PAPSS2: variants seen among roughly 807,000 people sequenced by gnomAD.
The protein encoded by PAPSS2 is bifunctional 3'-phosphoadenosine 5'-phosphosulfate synthase 2.
A neutral mutation model predicts 66.5 loss-of-function variants in PAPSS2; 61 were observed. The observed-to-expected ratio is 0.92, with a 90% CI of 0.75 to 1.14. The LOEUF is 1.14. Among genes scored for constraint, PAPSS2 ranks in the 50% most tolerant of loss-of-function variants. The pLI is 0.00. For synonymous variants in PAPSS2, 289 were observed against 287.5 expected (o/e 1.01, Z -0.05); for missense variants, 708 against 789.6 (o/e 0.90, Z 1.24).
At chr10:87,710,422 GT>G (rs1853449338) in intron 2 of PAPSS2, among the ~76,000 whole-genome samples, 1 of 152,128 alleles carries the variant, frequency 6.6e-6, no homozygotes, top group Admixed American at 6.5e-5. Flanking sequence ...CTCCTGAAAT[GT>G]TTACCTCAAC....
chr10:87,671,262 A>G lies in PAPSS2; in HGVS notation c.27+11254A>G, dbSNP rs188346829. On this transcript the variant is annotated intron_variant, in intron 1 of 12. Coordinates refer to ENST00000456849, the MANE Select transcript of PAPSS2 (RefSeq NM_001015880.2). The stretch of plus-strand genomic sequence containing the variant: ...GGATCTTTTGATTATTTAAACATGC[A>G]TTTTAATTTTGTCTTTGCAGACTAA... Among the ~76,000 whole-genome samples the G allele has an allele frequency of 1.7e-3, 266 of 152,332 alleles. 2 individuals carry two copies. The highest frequency in any genetic ancestry group is 2.5e-3 in the Non-Finnish European group (167 of 68,030).
Position 87,745,889 on chromosome 10 carries a change from A to G in PAPSS2, c.1779A>G (p.Gly593=). 6.2e-7 allele frequency: 1 copy of G among 1,614,084 alleles called. No homozygotes were observed. ...GAATGAGGAAGCTCGCCCGGGAAGG[A>G]GAGAATCCCCCAGATGGCTTCATGG... ...GTRMRKLARE[G]ENPPDGFMAP... The change falls in exon 13 of 13, where the codon GGA becomes GGG. Residue 593 remains glycine, a synonymous_variant. Transcript: ENST00000456849.
At chr10:87,722,007 G>A (rs1409507091) in intron 8 of PAPSS2, among the ~76,000 whole-genome samples, 1 of 152,160 alleles carries the variant, frequency 6.6e-6, no homozygotes, top group African/African-American at 2.4e-5. Context: ...GCATTTGGCT[G>A]ACAAAAGTAA....
chr10:87,745,841 GT>G lies in PAPSS2; in HGVS notation c.1734del (p.Phe578LeufsTer9), dbSNP rs770125370. The G allele has an allele frequency of 6.2e-7, 1 of 1,614,040 alleles. No homozygotes were observed. Among genetic ancestry groups the G allele is most frequent in the Non-Finnish European group, 8.5e-7 (1 of 1,179,952 alleles). On this transcript the variant is annotated frameshift_variant, in exon 13 of 13. Coordinates refer to ENST00000456849, the MANE Select transcript of PAPSS2 (RefSeq NM_001015880.2). LOFTEE classifies it high-confidence loss of function. ...DFYDPARHNE[F>X]DFISGTRMRK... Reference sequence around the variant, plus strand: ...TGCCACCCTGTAACAGGCACAATGAGTTTGACTTCATCTCAGGAACTCGAAT... The same window carrying G: ...TGCCACCCTGTAACAGGCACAATGAGTTGACTTCATCTCAGGAACTCGAAT...
chr10:87,715,067 C>A lies in PAPSS2; in HGVS notation c.722C>A (p.Ala241Asp). The change falls in exon 6 of 13, where the codon GCT becomes GAT. Residue 241 changes from alanine to aspartate, a missense_variant. Coordinates refer to ENST00000456849, the MANE Select transcript of PAPSS2 (RefSeq NM_001015880.2). ...ENKLDHVRAE[A>D]ETLPSLSITK... is the part of the protein sequence containing the mutation. Reference sequence around the variant, plus strand: ...AAACTTGACCACGTCCGAGCTGAGGCTGAAACTCTCCCTTCATTATCAATT... The same window carrying A: ...AAACTTGACCACGTCCGAGCTGAGGATGAAACTCTCCCTTCATTATCAATT... The A allele has an allele frequency of 6.2e-7, 1 of 1,611,208 alleles. No individual in the cohort carries two copies. The highest frequency in any genetic ancestry group is 8.5e-7 in the Non-Finnish European group (1 of 1,177,346).
At chr10:87,700,357 TTA>T (rs1386718524) in intron 1 of PAPSS2, among the ~76,000 whole-genome samples, 1 of 152,210 alleles carries the variant, frequency 6.6e-6, no homozygotes, top group African/African-American at 2.4e-5. Context: ...AAATTTTCTT[TTA>T]AAGAATGAGC....
At chr10:87,723,649 T>G (rs894141731) in intron 8 of PAPSS2, among the ~76,000 whole-genome samples, 1 of 145,704 alleles carries the variant, frequency 6.9e-6, no homozygotes, top group Middle Eastern at 3.2e-3. Flanking sequence ...GATTTTATGA[T>G]AGACCGGATT....
rs1461356714 is a variant in PAPSS2 at position 87,713,181 on chromosome 10, C to T, written c.252C>T (p.Gly84=). 6 of 1,612,590 alleles carry T rather than the reference C, an allele frequency of 3.7e-6. No individual in the cohort carries two copies. The highest frequency in any genetic ancestry group is 5.1e-6 in the Non-Finnish European group (6 of 1,179,038). ...TGGATGGGGACAATGTCCGTCATGG[C>T]CTTAACAGAAATCTCGGATTCTCTC... The part of the protein sequence containing the change: ...YSLDGDNVRH[G]LNRNLGFSPG... The change falls in exon 3 of 13, where the codon GGC becomes GGT. Residue 84 remains glycine, a synonymous_variant. Coordinates refer to ENST00000456849, the MANE Select transcript of PAPSS2 (RefSeq NM_001015880.2).
chr10:87,735,656 A>G (rs767765391), intron 9 of PAPSS2, among the ~76,000 whole-genome samples: 18 of 152,194 alleles, frequency 1.2e-4, no homozygotes, highest in Non-Finnish European at 1.8e-4. Context: ...TCTCAGCCTC[A>G]GCACTGTTGA....
rs1227590809 is a variant in PAPSS2, at chr10:87,706,140, GTA to G, written c.28-3047_28-3046del. Among the ~76,000 whole-genome samples the G allele has an allele frequency of 3.4e-3, 384 of 112,894 alleles. 2 individuals are homozygous for G. The highest frequency in any genetic ancestry group is 0.013 in the Middle Eastern group (3 of 226). The allele number at this position is 112,894 out of a possible 152,430, so 74.1% of individuals were successfully genotyped here. On this transcript the variant is annotated intron_variant, in intron 1 of 12. Coordinates refer to ENST00000456849, the MANE Select transcript of PAPSS2 (RefSeq NM_001015880.2). ...TGTGTGTGTGTGTGTGTGTGTGTGT[GTA>G]TATATATACCCTCTCCCTCAGAGAG...
chr10:87,743,943 A>C (rs543378369), intron 11 of PAPSS2, among the ~76,000 whole-genome samples: 9 of 152,228 alleles, frequency 5.9e-5, no homozygotes, highest in Admixed American at 2.6e-4. Context: ...CTCTACTAAA[A>C]ATACAAAAAT....
intron 7 of PAPSS2, among the ~76,000 whole-genome samples, chr10:87,717,405 A>C (rs867674338): frequency 1.2e-4 from 18 of 152,124 alleles, no homozygotes; most frequent in African/African-American, 4.1e-4. Context: ...GGTCAGTGTT[A>C]ATGGAAATCA....
At chr10:87,697,990 C>G (rs1241162538) in intron 1 of PAPSS2, among the ~76,000 whole-genome samples, 1 of 152,162 alleles carries the variant, frequency 6.6e-6, no homozygotes, top group Non-Finnish European at 1.5e-5. Context: ...AATTTGCCCT[C>G]TAGGGTTTTC....
intron 7 of PAPSS2, among the ~76,000 whole-genome samples, 198 bp downstream of exon 7, chr10:87,716,041 T>C (rs977175329): frequency 6.6e-6 from 1 of 152,214 alleles, no homozygotes; most frequent in African/African-American, 2.4e-5. Context: ...TCAAAGGTTG[T>C]TCCTTTAAAA....
At chr10:87,732,870 G>A (rs754742537) in intron 9 of PAPSS2, among the ~76,000 whole-genome samples, 3 of 152,098 alleles carry the variant, frequency 2.0e-5, no homozygotes, top group Non-Finnish European at 1.5e-5. Context: ...AGGGGGACTC[G>A]ATAAACATTC....
chr10:87,684,895 G>C (rs747542058), intron 1 of PAPSS2, among the ~76,000 whole-genome samples: 1 of 152,180 alleles, frequency 6.6e-6, no homozygotes, highest in African/African-American at 2.4e-5. Context: ...ATGCCTCAGT[G>C]TCTGACTGAG....
At chr10:87,722,643 G>A (rs1278292450) in intron 8 of PAPSS2, among the ~76,000 whole-genome samples, 1 of 152,178 alleles carries the variant, frequency 6.6e-6, no homozygotes, top group Non-Finnish European at 1.5e-5. Flanking sequence ...GTGCCCACCA[G>A]AGCCAAATGA....
rs147749300 is a variant in PAPSS2, at chr10:87,721,264, T to G, written c.866-492T>G. Reference sequence around the variant, plus strand: ...GTTGTCCTGGATCTAATGTTGGTGCTTGTTCTGCTGAGCATATTTTCATGT... The same window carrying G: ...GTTGTCCTGGATCTAATGTTGGTGCGTGTTCTGCTGAGCATATTTTCATGT... On this transcript the variant is annotated intron_variant, in intron 7 of 12. Coordinates refer to ENST00000456849, the MANE Select transcript of PAPSS2 (RefSeq NM_001015880.2). Among the ~76,000 whole-genome samples the G allele has an allele frequency of 3.6e-3, 552 of 152,338 alleles. 5 individuals are homozygous for G. Among genetic ancestry groups the G allele is most frequent in the African/African-American group, 0.013 (532 of 41,576 alleles).
intron 1 of PAPSS2, among the ~76,000 whole-genome samples, chr10:87,686,375 C>A (rs184543699): frequency 6.6e-6 from 1 of 151,444 alleles, no homozygotes; most frequent in East Asian, 1.9e-4. Flanking sequence ...CCCTTTTACC[C>A]ATTGGTTAAT....
Sources: allele counts gnomAD v4.1 joint callset (sites outside exome capture counted in the v4.1 genomes callset), GRCh38; gene constraint gnomAD v4.1.1; transcripts MANE v1.5; gene names NCBI Gene and HGNC (gene_info 2026-07-23, HGNC 2026-07-21).